Variants in ZNF532 observed in about 807,000 individuals in gnomAD.
The protein encoded by ZNF532 is zinc finger protein 532.
In ZNF532, 22 loss-of-function variants were observed where a neutral mutation model predicts 89.3. The ratio of observed to expected loss-of-function variants is 0.25; its 90% CI spans 0.18 to 0.35. The LOEUF is 0.35. ZNF532 is among the 10% of genes least tolerant of loss of function. The pLI is 1.00. For synonymous variants in ZNF532, 606 were observed against 649.6 expected (o/e 0.93, Z 1.02); for missense variants, 1,132 against 1,643.4 (o/e 0.69, Z 5.38).
chr18:58,863,468 C>G (rs2056134460), upstream of ZNF532: 1 of 2,774 alleles, frequency 3.6e-4, no homozygotes, highest in Non-Finnish European at 1.2e-3. Context: ...CTCCCCCTCG[C>G]CCGCGCTCCC....
At chr18:58,928,910 T>A (rs2061734624) in intron 3 of ZNF532, among the ~76,000 whole-genome samples, 1 of 152,204 alleles carries the variant, frequency 6.6e-6, no homozygotes. Context: ...TGTGTTGGGA[T>A]GTCATTGCTT....
intron 2 of ZNF532, among the ~76,000 whole-genome samples, chr18:58,875,511 T>C (rs1473581146): frequency 1.3e-5 from 2 of 152,214 alleles, no homozygotes; most frequent in African/African-American, 2.4e-5. Flanking sequence ...ACAAAGATAG[T>C]GCTAGTTTGG....
intron 2 of ZNF532, among the ~76,000 whole-genome samples, chr18:58,914,149 T>C (rs1470403390): frequency 6.6e-6 from 1 of 152,256 alleles, no homozygotes; most frequent in African/African-American, 2.4e-5. Context: ...CCAACAAAGA[T>C]GAAATAGCTT....
chr18:58,948,320 T>C, intron 6 of ZNF532, 91 bp downstream of exon 6: 1 of 1,342,168 alleles, frequency 7.5e-7, no homozygotes, highest in East Asian at 2.4e-5. Context: ...CTCTAAAGCA[T>C]GCCTCACTGT....
chr18:58,959,141 C>T (rs1206580839), intron 7 of ZNF532, among the ~76,000 whole-genome samples: 1 of 152,142 alleles, frequency 6.6e-6, no homozygotes, highest in Non-Finnish European at 1.5e-5. Flanking sequence ...GGTTCTCCTA[C>T]ACATCAAGGA....
At chr18:58,921,270 CATTGT>C (rs750283252) in intron 3 of ZNF532, among the ~76,000 whole-genome samples, 5 of 152,040 alleles carry the variant, frequency 3.3e-5, no homozygotes, top group Non-Finnish European at 5.9e-5. Flanking sequence ...AGTGTCATCC[CATTGT>C]ATTAAGTATT....
At position 58,942,313 on chromosome 18, in the gene ZNF532, C is replaced by T. The variant is rs867181487; in HGVS notation, c.2705+2692C>T. ...CTGGGATTACAGGCGTGAGCCACCG[C>T]GCCTGGCCCCTCCCTCCCTCCCTCC... On this transcript the variant is annotated intron_variant, in intron 5 of 9. Transcript: ENST00000591808. Among the ~76,000 whole-genome samples the T allele has an allele frequency of 3.9e-3, 518 of 133,418 alleles. 14 individuals are homozygous for T. Among genetic ancestry groups the T allele is most frequent in the African/African-American group, 0.014 (466 of 33,912 alleles). The allele number at this position is 133,418 out of a possible 152,430, so 87.5% of individuals were successfully genotyped here. A position where few individuals can be genotyped will look rare whatever the true frequency, so the allele number is the denominator to read the frequency against.
At chr18:58,868,696 GGTT>G (rs1163944334) in intron 2 of ZNF532, among the ~76,000 whole-genome samples, 1 of 152,222 alleles carries the variant, frequency 6.6e-6, no homozygotes, top group Non-Finnish European at 1.5e-5. Flanking sequence ...AGGACATTAG[GGTT>G]GTTTCCAGTT....
At chr18:58,961,296 A>G (rs1204064859) in intron 7 of ZNF532, among the ~76,000 whole-genome samples, 1 of 152,192 alleles carries the variant, frequency 6.6e-6, no homozygotes, top group Non-Finnish European at 1.5e-5. Flanking sequence ...GTGGCAGTAC[A>G]ATCCCCCAAA....
chr18:58,982,503 C>T (rs1212042770), intron 9 of ZNF532, among the ~76,000 whole-genome samples: 1 of 150,858 alleles, frequency 6.6e-6, no homozygotes, highest in Non-Finnish European at 1.5e-5. Flanking sequence ...CACCTGTAAT[C>T]TCCAGCTACT....
At chr18:58,959,654 G>A (rs1603297130) in intron 7 of ZNF532, among the ~76,000 whole-genome samples, 1 of 152,288 alleles carries the variant, frequency 6.6e-6, no homozygotes, top group Non-Finnish European at 1.5e-5. Context: ...ACAACTACCA[G>A]TGTGACTTTG....
chr18:58,922,970 C>T (rs1362047281), intron 3 of ZNF532, among the ~76,000 whole-genome samples: 1 of 149,704 alleles, frequency 6.7e-6, no homozygotes, highest in Non-Finnish European at 1.5e-5. Flanking sequence ...ACTCTGTCCC[C>T]AGGAGGAGAG....
chr18:58,981,480 G>A lies in ZNF532; in HGVS notation c.3274G>A (p.Asp1092Asn). The A allele has an allele frequency of 1.9e-6, 3 of 1,612,716 alleles. No homozygotes were observed. The highest frequency in any genetic ancestry group is 2.5e-6 in the Non-Finnish European group (3 of 1,179,908). The change falls in exon 9 of 10, where the codon GAC (aspartate) becomes AAC (asparagine). Residue 1092 changes from aspartate to asparagine, a missense_variant. By Grantham distance (23) the Asp-to-Asn change is conservative (BLOSUM62 1). Around this residue, in one of 9 missense-constraint regions of ZNF532, gnomAD observed 415 missense variants for 604.8 expected, o/e 0.69. Transcript: ENST00000591808. ...CCTTTCACCCCACAGGCACTGCCCA[G>A]ACTCCAGACGTACCTTTACCAAACG... Reference protein sequence around the residue: ...RKVYACSHCPDSRRTFTKRLM... With the variant: ...RKVYACSHCPNSRRTFTKRLM...
chr18:58,896,164 A>G (rs1439596031), intron 2 of ZNF532, among the ~76,000 whole-genome samples: 3 of 152,140 alleles, frequency 2.0e-5, no homozygotes, highest in African/African-American at 7.2e-5. Flanking sequence ...TTTTCAGTGC[A>G]GTGTAACTTT....
intron 7 of ZNF532, among the ~76,000 whole-genome samples, chr18:58,956,082 C>T (rs1288667037): frequency 1.3e-5 from 2 of 152,162 alleles, no homozygotes; most frequent in African/African-American, 2.4e-5. Context: ...CTTTATCTTA[C>T]ATTTGAGATA....
At chr18:58,877,093 G>T (rs1338426194) in intron 2 of ZNF532, among the ~76,000 whole-genome samples, 7 of 152,084 alleles carry the variant, frequency 4.6e-5, no homozygotes, top group Non-Finnish European at 7.4e-5. Flanking sequence ...AAAAGTGACT[G>T]TGTTTGGTTC....
intron 5 of ZNF532, among the ~76,000 whole-genome samples, chr18:58,944,440 G>A (rs1189134020): frequency 6.6e-6 from 1 of 151,776 alleles, no homozygotes; most frequent in Non-Finnish European, 1.5e-5. Flanking sequence ...TTGCATTTAG[G>A]ATTAGGTCCA....
At chr18:58,967,650 TAG>T (rs2066060314) in intron 7 of ZNF532, among the ~76,000 whole-genome samples, 1 of 152,182 alleles carries the variant, frequency 6.6e-6, no homozygotes, top group African/African-American at 2.4e-5. Context: ...CCTGGCAAGT[TAG>T]AGTCGGAGCT....
intron 2 of ZNF532, among the ~76,000 whole-genome samples, chr18:58,906,247 A>G (rs1329286946): frequency 6.6e-6 from 1 of 152,192 alleles, no homozygotes; most frequent in Non-Finnish European, 1.5e-5. Flanking sequence ...GAACTTCTGC[A>G]CAGGGGATGG....
Sources: allele counts gnomAD v4.1 joint callset (sites outside exome capture counted in the v4.1 genomes callset), GRCh38; gene constraint gnomAD v4.1.1; regional missense constraint gnomAD v4.1.1; transcripts MANE v1.5; gene names NCBI Gene and HGNC (gene_info 2026-07-23, HGNC 2026-07-21).